Variants in PAAF1 observed in about 807,000 individuals in gnomAD.
PAAF1 encodes proteasomal ATPase-associated factor 1.
PAAF1 carries 46 observed loss-of-function variants against 52.8 expected under a neutral mutation model. That is an observed-to-expected ratio of 0.87 (90% CI 0.69 to 1.11). PAAF1 has a LOEUF of 1.11. Ranked by LOEUF, PAAF1 falls within the 50% of genes most tolerant of loss-of-function variation. The pLI is 0.00. For synonymous variants in PAAF1, 178 were observed against 172.8 expected (o/e 1.03, Z -0.24); for missense variants, 424 against 477.4 (o/e 0.89, Z 1.04).
At chr11:73,913,700 G>GAA (rs61429432) in intron 7 of PAAF1, among the ~76,000 whole-genome samples, 9,767 of 134,230 alleles carry the variant, frequency 0.073, 367 homozygotes, top group Middle Eastern at 0.14. Context: ...GGTAAAAAAA[G>GAA]AAAAAAAAAA....
At position 73,910,989 on chromosome 11, in the gene PAAF1, CAAA is replaced by C. The variant is rs59523527; in HGVS notation, c.727+1416_727+1418del. On this transcript the variant is annotated intron_variant, in intron 7 of 11. Transcript: ENST00000310571. ...CAGGCGACAGTGTGAGACTCTGTCT[CAAA>C]AAAAAAAAAAAAAAAAAAAGTACAG... 9.5e-3 allele frequency among the ~76,000 whole-genome samples: 660 copies of C among 69,454 alleles called. 5 individuals carry two copies. Among genetic ancestry groups the C allele is most frequent in the African/African-American group, 0.03 (589 of 19,832 alleles). The allele number at this position is 69,454 out of a possible 152,430, so 45.6% of individuals were successfully genotyped here. A position where few individuals can be genotyped will look rare whatever the true frequency, so the allele number is the denominator to read the frequency against.
chr11:73,903,725 A>G (rs1288143970), intron 6 of PAAF1, among the ~76,000 whole-genome samples: 1 of 151,748 alleles, frequency 6.6e-6, no homozygotes, highest in African/African-American at 2.4e-5. Context: ...TCAAAAAAAA[A>G]AAAAATCTCT....
At chr11:73,926,584 G>C (rs1950366406) in intron 11 of PAAF1, among the ~76,000 whole-genome samples, 1 of 152,046 alleles carries the variant, frequency 6.6e-6, no homozygotes, top group African/African-American at 2.4e-5. Flanking sequence ...TGGTGGGTGT[G>C]TGTAGTCCCA....
At chr11:73,901,461 C>G (rs1170362671) in intron 6 of PAAF1, among the ~76,000 whole-genome samples, 1 of 152,058 alleles carries the variant, frequency 6.6e-6, no homozygotes, top group Non-Finnish European at 1.5e-5. Flanking sequence ...ATTCCTTGAT[C>G]CTTCTTCTGG....
chr11:73,877,141 C>T, intron 1 of PAAF1, 73 bp downstream of exon 1: 1 of 1,420,728 alleles, frequency 7.0e-7, no homozygotes. Flanking sequence ...AGAGCCATGC[C>T]TGGTCCAGGA....
intron 4 of PAAF1, among the ~76,000 whole-genome samples, chr11:73,896,448 T>C (rs1421546593): frequency 1.3e-5 from 2 of 151,402 alleles, no homozygotes; most frequent in Admixed American, 6.6e-5. Context: ...CCCTGCGGCC[T>C]TCCGCAGTGT....
rs148478675 is a variant in PAAF1, at chr11:73,900,318, C to T, written c.430C>T (p.Pro144Ser). 6.2e-7 allele frequency: 1 copy of T among 1,611,944 alleles called. No individual in the cohort carries two copies. The highest frequency in any genetic ancestry group is 8.5e-7 in the Non-Finnish European group (1 of 1,178,722). ...VFDVNCCRFFPSGLVVLSGGM... is the reference protein window; with the variant it reads ...VFDVNCCRFFSSGLVVLSGGM... ...TGATGTGAATTGTTGCAGGTTTTTC[C>T]CATCAGGCCTTGTGGTCCTGAGTGG... Residue 144 changes from proline to serine, a missense_variant, in exon 6 of 12, where the codon CCA becomes TCA. Pro to Ser is a moderately conservative substitution (Grantham distance 74, BLOSUM62 -1). Coordinates refer to ENST00000310571, the MANE Select transcript of PAAF1 (RefSeq NM_025155.3).
chr11:73,877,158 TA>T, intron 1 of PAAF1, 90 bp downstream of exon 1: 1 of 1,310,280 alleles, frequency 7.6e-7, no homozygotes, highest in Non-Finnish European at 1.0e-6. Flanking sequence ...AGGATATCAA[TA>T]GGGGTTACTT....
intron 3 of PAAF1, among the ~76,000 whole-genome samples, chr11:73,889,578 A>G (rs975138164): frequency 1.3e-5 from 2 of 152,220 alleles, no homozygotes; most frequent in African/African-American, 4.8e-5. Flanking sequence ...GATTTGCAAG[A>G]CTGCAAAGTA....
chr11:73,907,340 C>CT (rs1275709181), intron 6 of PAAF1, among the ~76,000 whole-genome samples: 1 of 152,160 alleles, frequency 6.6e-6, no homozygotes, highest in African/African-American at 2.4e-5. Flanking sequence ...CTGGACTCCC[C>CT]TGACACTACC....
chr11:73,884,414 G>A (rs1342081463), intron 2 of PAAF1, among the ~76,000 whole-genome samples: 3 of 152,192 alleles, frequency 2.0e-5, no homozygotes, highest in Non-Finnish European at 2.9e-5. Context: ...AGAATCCCTT[G>A]ATTCTGGGAG....
chr11:73,879,686 TGA>T (rs1948837853), intron 2 of PAAF1: 1 of 147,840 alleles, frequency 6.8e-6, no homozygotes, highest in Admixed American at 6.8e-5. Context: ...GGCAACAAAG[TGA>T]GACCCCCTCC....
chr11:73,926,551 T>C (rs1375693388), intron 11 of PAAF1, among the ~76,000 whole-genome samples: 1 of 151,974 alleles, frequency 6.6e-6, no homozygotes, highest in Non-Finnish European at 1.5e-5. Flanking sequence ...CTACTAACAA[T>C]ACAAAAAATT....
chr11:73,891,209 T>C lies in PAAF1; in HGVS notation c.282+8T>C. On this transcript the variant is annotated splice_region_variant and intron_variant, in intron 4 of 11. Transcript: ENST00000310571. ...AGAATTCATACAAAGAGTGTAAGTA[T>C]TTTGATAAAATGAAGAGAAAATGTA... 1 of 1,485,176 alleles carries C rather than the reference T, an allele frequency of 6.7e-7. No homozygotes were observed. The allele number at this position is 1,485,176 out of a possible 1,614,324, so 92.0% of individuals were successfully genotyped here.
chr11:73,894,876 C>T lies in PAAF1; in HGVS notation c.282+3675C>T, dbSNP rs181053511. Reference sequence around the variant, plus strand: ...GTGTGTGCCTGTAGTCCCAGCTGCTCGAGAGGCTGGGATGGAAGGATTGCT... The same window carrying T: ...GTGTGTGCCTGTAGTCCCAGCTGCTTGAGAGGCTGGGATGGAAGGATTGCT... On this transcript the variant is annotated intron_variant, in intron 4 of 11. Coordinates refer to ENST00000310571, the MANE Select transcript of PAAF1 (RefSeq NM_025155.3). Among the ~76,000 whole-genome samples the T allele has an allele frequency of 1.6e-3, 246 of 152,040 alleles. 1 individual carries two copies. Among genetic ancestry groups the T allele is most frequent in the African/African-American group, 5.6e-3 (231 of 41,498 alleles).
chr11:73,892,820 G>A (rs1340453159), intron 4 of PAAF1, among the ~76,000 whole-genome samples: 3 of 152,044 alleles, frequency 2.0e-5, no homozygotes, highest in East Asian at 3.9e-4. Flanking sequence ...CACCACGCCC[G>A]GCTAATTTTT....
chr11:73,887,574 A>T (rs1949095261), intron 3 of PAAF1, 117 bp downstream of exon 3: 1 of 629,934 alleles, frequency 1.6e-6, no homozygotes, highest in African/African-American at 1.9e-5. Context: ...TATGAGAATC[A>T]TAGTTTTTGC....
intron 6 of PAAF1, among the ~76,000 whole-genome samples, 155 bp from the exon 7 acceptor site, chr11:73,909,244 T>C (rs1243690163): frequency 2.6e-5 from 4 of 152,192 alleles, no homozygotes; most frequent in Non-Finnish European, 5.9e-5. Context: ...TGGGACTCTA[T>C]TTCTGTTTTT....
rs1406033701 is a variant in PAAF1 at position 73,878,815 on chromosome 11, C to G, written c.84C>G (p.Pro28=). Residue 28 remains proline, a synonymous_variant, in exon 2 of 12, where the codon CCC becomes CCG. Transcript: ENST00000310571. The part of the protein sequence containing the change: ...DEGEAWLSCH[P]PGKPSLYGSL... Reference sequence around the variant, plus strand: ...GGGAGGCCTGGCTGAGCTGTCATCCCCCAGGTAATACCCATGAATTATATA... The same window carrying G: ...GGGAGGCCTGGCTGAGCTGTCATCCGCCAGGTAATACCCATGAATTATATA... The G allele has an allele frequency of 1.2e-6, 2 of 1,613,416 alleles. No homozygotes were observed. Among genetic ancestry groups the G allele is most frequent in the African/African-American group, 2.7e-5 (2 of 74,878 alleles).
Sources: allele counts gnomAD v4.1 joint callset (sites outside exome capture counted in the v4.1 genomes callset), GRCh38; gene constraint gnomAD v4.1.1; transcripts MANE v1.5; gene names NCBI Gene and HGNC (gene_info 2026-07-23, HGNC 2026-07-21).